The following ZNF717 variants were observed in gnomAD, a reference collection of about 807,000 sequenced individuals.
ZNF717 encodes krueppel-like factor X17.
ZNF717 carries 9 observed loss-of-function variants against 13.8 expected under a neutral mutation model. That is an observed-to-expected ratio of 0.65 (90% confidence interval 0.39 to 1.14). The LOEUF (loss-of-function observed/expected upper bound fraction) is 1.14. Among genes scored for constraint, ZNF717 ranks in the 50% most tolerant of loss-of-function variants. The pLI is 0.01. For synonymous variants in ZNF717, 327 were observed against 364.1 expected, an observed-to-expected ratio of 0.90 and a Z score of 1.16; for missense variants, 1,040 against 1,080.7, an observed-to-expected ratio of 0.96 and a Z score of 0.53.
At chr3:75,731,332 A>AAG (rs1342556939), downstream of ZNF717, among the ~76,000 whole-genome samples, 1 of 130,520 alleles carries the variant, frequency 7.7e-6, no homozygotes, top group African/African-American at 3.1e-5. Context: ...AGCCAAGATC[A>AAG]TGCCACTGCA....
Position 75,738,614 on chromosome 3 carries a change from T to C in ZNF717, c.1009A>G (p.Lys337Glu). ...CCACATTCATTGCATCCATAGGGCT[T>C]TTCCCCTGTGTGAATTCTCTGATGG... ...IIHQRIHTGEKPYGCNECGKT... is the reference protein window; with the variant it reads ...IIHQRIHTGEEPYGCNECGKT... The change falls in exon 5 of 5, where the codon AAG becomes GAG. Residue 337 changes from lysine to glutamate, a missense_variant. Lys to Glu is a moderately conservative substitution (Grantham distance 56). Around this residue, in one of 3 missense-constraint regions of ZNF717, gnomAD observed 873 missense variants for 832.8 expected, o/e 1.05. Transcript: ENST00000652011. 3.9e-6 allele frequency: 6 copies of C among 1,552,446 alleles called. No homozygotes were observed. Among genetic ancestry groups the C allele is most frequent in the Non-Finnish European group, 5.2e-6 (6 of 1,147,500 alleles).
In ZNF717 at chr3:75,737,945, C is replaced by T; in HGVS notation, c.1678G>A (p.Glu560Lys). ...LTVHHRTHTG[E>K]KPYECNECGK... ...CATTCATTACATTCATAGGGTTTTT[C>T]CCCTGTGTGAGTTCTGTGATGTACT... The change falls in exon 5 of 5, where the codon GAA (glutamate) becomes AAA (lysine). Residue 560 changes from glutamate to lysine, a missense_variant. Physicochemically the swap from Glu to Lys is moderately conservative, Grantham distance 56. Around this residue, in one of 3 missense-constraint regions of ZNF717, gnomAD observed 873 missense variants for 832.8 expected, o/e 1.05. Transcript: ENST00000652011. 1.3e-6 allele frequency: 2 copies of T among 1,555,678 alleles called. No homozygotes were observed. The highest frequency in any genetic ancestry group is 2.4e-5 in the East Asian group (1 of 41,056).
At chr3:75,769,381 C>G (rs917605494) in intron 2 of ZNF717, among the ~76,000 whole-genome samples, 1 of 151,990 alleles carries the variant, frequency 6.6e-6, no homozygotes, top group South Asian at 2.1e-4. Context: ...GCCTGCTCCA[C>G]GTCCCCAGCC....
At chr3:75,705,410 G>C (rs375170934), downstream of ZNF717, among the ~76,000 whole-genome samples, 1 of 152,310 alleles carries the variant, frequency 6.6e-6, no homozygotes, top group Non-Finnish European at 1.5e-5. Context: ...ACAAAATAGG[G>C]ATGGCACATA....
intron 4 of ZNF717, among the ~76,000 whole-genome samples, chr3:75,722,091 CAAA>C (rs3035116): frequency 0.4 from 55,596 of 137,672 alleles, 11,067 homozygotes; most frequent in South Asian, 0.6. Context: ...ACTAAAAATA[CAAA>C]AAAAAAAAAA....
intron 4 of ZNF717, among the ~76,000 whole-genome samples, chr3:75,717,492 C>T (rs1410831839): frequency 6.6e-6 from 1 of 152,208 alleles, no homozygotes; most frequent in African/African-American, 2.4e-5. Flanking sequence ...GGAAAGAATG[C>T]TGTTGGTGTC....
chr3:75,732,245 A>C, downstream of ZNF717: 2 of 640,264 alleles, frequency 3.1e-6, no homozygotes, highest in South Asian at 3.5e-5. Context: ...CCAGATCCTA[A>C]ATGACCTGCT....
chr3:75,779,059 G>A (rs186451032), intron 2 of ZNF717, among the ~76,000 whole-genome samples: 17 of 148,042 alleles, frequency 1.1e-4, no homozygotes, highest in African/African-American at 2.7e-4. Flanking sequence ...CGCAAAAACC[G>A]GAACCCAAAA....
intron 4 of ZNF717, among the ~76,000 whole-genome samples, chr3:75,717,289 A>T (rs1351495509): frequency 6.6e-6 from 1 of 152,282 alleles, no homozygotes; most frequent in African/African-American, 2.4e-5. Context: ...CAACAGACAC[A>T]TCCAAATACA....
intron 2 of ZNF717, among the ~76,000 whole-genome samples, chr3:75,757,947 T>C (rs1026762708): frequency 1.5e-5 from 2 of 129,302 alleles, no homozygotes; most frequent in Non-Finnish European, 1.7e-5. Context: ...ACCCTGTCTC[T>C]ACTAAAAAAA....
chr3:75,769,180 C>T (rs1353084600), intron 2 of ZNF717, among the ~76,000 whole-genome samples: 7 of 152,148 alleles, frequency 4.6e-5, no homozygotes, highest in Admixed American at 6.5e-5. Context: ...AGGAGAAATG[C>T]TCTGGGACTT....
downstream of ZNF717, among the ~76,000 whole-genome samples, chr3:75,707,131 C>G (rs1343627256): frequency 1.3e-5 from 2 of 152,302 alleles, no homozygotes; most frequent in Admixed American, 6.5e-5. Context: ...TTGGGCCACA[C>G]AGGCTCTGGG....
intron 2 of ZNF717, among the ~76,000 whole-genome samples, chr3:75,768,858 C>T (rs974155168): frequency 2.4e-4 from 36 of 152,078 alleles, no homozygotes; most frequent in African/African-American, 8.2e-4. Flanking sequence ...CAGGCCACCA[C>T]AACCTGATTC....
Position 75,748,091 on chromosome 3 carries a change from A to G in ZNF717, c.58-6355T>C, listed in dbSNP as rs1384267076. Among the ~76,000 whole-genome samples the G allele has an allele frequency of 2.6e-4, 39 of 152,332 alleles. No homozygotes were observed. In the South Asian group the frequency reaches 7.2e-3, roughly 28 times the overall value. On this transcript the variant is annotated intron_variant, in intron 2 of 4. Coordinates refer to ENST00000652011, the MANE Select transcript of ZNF717 (RefSeq NM_001290208.3). ...TCTACGCAAATAAACTAGAAAATCT[A>G]GAAGAAATGGATAAATTCCTTGACA...
intron 2 of ZNF717, among the ~76,000 whole-genome samples, chr3:75,755,248 A>G (rs1030473710): frequency 1.2e-4 from 15 of 125,214 alleles, no homozygotes; most frequent in African/African-American, 4.3e-4. Context: ...CTGGATCAAC[A>G]TTTTTTTAAA....
intron 2 of ZNF717, among the ~76,000 whole-genome samples, chr3:75,757,762 A>G (rs549383648): frequency 6.6e-6 from 1 of 152,256 alleles, no homozygotes; most frequent in Admixed American, 6.5e-5. Context: ...AGGATTCACC[A>G]TTCTAGATGC....
intron 2 of ZNF717, among the ~76,000 whole-genome samples, chr3:75,745,552 C>CCACAA (rs111721335): frequency 6.6e-6 from 1 of 151,694 alleles, no homozygotes; most frequent in Non-Finnish European, 1.5e-5. Flanking sequence ...TCACCTTGCT[C>CCACAA]TACATCTCCT....
chr3:75,779,257 A>C (rs754666642), intron 2 of ZNF717, among the ~76,000 whole-genome samples: 3 of 150,648 alleles, frequency 2.0e-5, no homozygotes, highest in Non-Finnish European at 4.4e-5. Flanking sequence ...AATGGGAGTG[A>C]TGTGCTAAAA....
chr3:75,715,970 G>A (rs1025063295), intron 5 of ZNF717, among the ~76,000 whole-genome samples: 4 of 120,874 alleles, frequency 3.3e-5, no homozygotes, highest in Non-Finnish European at 6.8e-5. Flanking sequence ...TTTTTGGTTT[G>A]TTTTTTTGTT....
Sources: gnomAD v4.1 joint callset for allele counts (sites outside exome capture counted in the v4.1 genomes callset) on GRCh38, gnomAD v4.1.1 for gene constraint, gnomAD v4.1.1 regional missense constraint, MANE v1.5 for transcripts, NCBI Gene and HGNC (gene_info 2026-07-23, HGNC 2026-07-21) for gene names.